The following CSMD1 variants were observed in gnomAD, a reference collection of about 807,000 sequenced individuals.
CSMD1 encodes CUB and sushi domain-containing protein 1.
A neutral mutation model predicts 417.5 loss-of-function variants in CSMD1; 213 were observed. The ratio of observed to expected loss-of-function variants is 0.51; its 90% CI spans 0.46 to 0.57. The LOEUF (loss-of-function observed/expected upper bound fraction) is 0.57. Ranked by LOEUF, CSMD1 falls within the 20% of genes least tolerant of loss-of-function variation. The pLI, the probability that CSMD1 is intolerant of heterozygous loss-of-function variation, is 0.00. For synonymous variants in CSMD1, 2,862 were observed against 1,736.8 expected, an observed-to-expected ratio of 1.65 and a Z score of -16.11; for missense variants, 6,923 against 4,529.7, an observed-to-expected ratio of 1.53 and a Z score of -15.17.
chr8:3,247,962 C>A (rs1170099231), intron 26 of CSMD1, among the ~76,000 whole-genome samples: 1 of 152,162 alleles, frequency 6.6e-6, no homozygotes, highest in African/African-American at 2.4e-5. Flanking sequence ...CAACCACCTC[C>A]CGAAATCTGC....
At chr8:4,252,018 T>C (rs1306512752) in intron 3 of CSMD1, among the ~76,000 whole-genome samples, 3 of 152,080 alleles carry the variant, frequency 2.0e-5, no homozygotes, top group Admixed American at 1.3e-4. Context: ...TTACGTATTT[T>C]TGAGTTGTGT....
rs1372978054 is a variant in CSMD1 at position 4,054,567 on chromosome 8, A to G, written c.416-22468T>C. ...TGAGATGTCCCTCTTGCGGAGTTCAACCCTCTTGGTGGTGTAGTCTAATTG... is the reference window on the plus strand; with the variant it reads ...TGAGATGTCCCTCTTGCGGAGTTCAGCCCTCTTGGTGGTGTAGTCTAATTG... On this transcript the variant is annotated intron_variant, in intron 3 of 69. Transcript: ENST00000635120. Among the ~76,000 whole-genome samples the G allele has an allele frequency of 2.0e-5, 3 of 148,790 alleles. No homozygotes were observed. The East Asian group carries it at 5.9e-4, about 29-fold the overall frequency.
chr8:3,451,077 A>T (rs535112311), intron 12 of CSMD1, among the ~76,000 whole-genome samples: 1 of 152,244 alleles, frequency 6.6e-6, no homozygotes, highest in East Asian at 1.9e-4. Context: ...GATGACGAGC[A>T]TTTTTTCACG....
chr8:4,300,339 T>A (rs1797912325), intron 3 of CSMD1, among the ~76,000 whole-genome samples: 1 of 152,178 alleles, frequency 6.6e-6, no homozygotes, highest in Non-Finnish European at 1.5e-5. Flanking sequence ...AAAAATAATA[T>A]TAAAAGGTAA....
chr8:3,671,709 C>G (rs919207488), intron 7 of CSMD1, among the ~76,000 whole-genome samples: 1 of 151,538 alleles, frequency 6.6e-6, no homozygotes, highest in Non-Finnish European at 1.5e-5. Context: ...TCATCTTATT[C>G]GTGTTGCATG....
At chr8:3,653,082 C>A (rs1208282850) in intron 7 of CSMD1, among the ~76,000 whole-genome samples, 2 of 152,150 alleles carry the variant, frequency 1.3e-5, no homozygotes, top group African/African-American at 2.4e-5. Flanking sequence ...ACTCATTCAT[C>A]AACGTCATGC....
chr8:4,601,773 T>C (rs1800597807), intron 2 of CSMD1, among the ~76,000 whole-genome samples: 1 of 152,192 alleles, frequency 6.6e-6, no homozygotes, highest in African/African-American at 2.4e-5. Context: ...CCATTAACTT[T>C]GACCAAATGA....
chr8:4,989,715 T>G (rs77020284), intron 1 of CSMD1, among the ~76,000 whole-genome samples: 5,031 of 152,318 alleles, frequency 0.033, 99 homozygotes, highest in Middle Eastern at 0.12. Flanking sequence ...GAGGCAGATT[T>G]AAAATTCAGC....
In CSMD1 at chr8:4,001,079, T is replaced by A. The variant is rs1026093649; in HGVS notation, c.611-2969A>T. 4.0e-5 allele frequency among the ~76,000 whole-genome samples: 6 copies of A among 150,598 alleles called. 1 individual carries two copies. In the South Asian group the frequency reaches 6.3e-4, roughly 16 times the overall value. On this transcript the variant is annotated intron_variant, in intron 4 of 69. Coordinates refer to ENST00000635120, the MANE Select transcript of CSMD1 (RefSeq NM_033225.6). ...AAGGAAAAAAAAAACTGACATCAAA[T>A]GATTATGAATTTTTGTCATGGCAGT...
chr8:4,040,760 T>G (rs1247617961), intron 3 of CSMD1, among the ~76,000 whole-genome samples: 1 of 152,130 alleles, frequency 6.6e-6, no homozygotes, highest in African/African-American at 2.4e-5. Context: ...AAGCGACCAG[T>G]TGGCAAATGG....
intron 5 of CSMD1, among the ~76,000 whole-genome samples, chr8:3,987,186 T>C (rs1431826783): frequency 5.3e-5 from 8 of 152,304 alleles, no homozygotes. Flanking sequence ...ATACACTTCT[T>C]ACTTTACACA....
chr8:4,103,263 C>T (rs1004580228), intron 3 of CSMD1, among the ~76,000 whole-genome samples: 3 of 5,494 alleles, frequency 5.5e-4, no homozygotes, highest in East Asian at 0.014. Context: ...TGTATACATA[C>T]ATTATATATA....
chr8:4,958,874 T>C (rs1461504506), intron 1 of CSMD1, among the ~76,000 whole-genome samples: 1 of 152,186 alleles, frequency 6.6e-6, no homozygotes, highest in Non-Finnish European at 1.5e-5. Flanking sequence ...AGGTAATTTA[T>C]TGACTTCTCA....
At chr8:3,779,952 T>C (rs73658258) in intron 5 of CSMD1, among the ~76,000 whole-genome samples, 2,680 of 152,318 alleles carry the variant, frequency 0.018, 65 homozygotes, top group African/African-American at 0.062. Context: ...TGCTGAAAAC[T>C]AAGAAAGCTT....
intron 2 of CSMD1, among the ~76,000 whole-genome samples, chr8:4,437,359 C>G (rs1365546808): frequency 2.0e-5 from 3 of 152,078 alleles, no homozygotes; most frequent in African/African-American, 7.2e-5. Flanking sequence ...TAAGGTATTG[C>G]TAACATCCTT....
intron 10 of CSMD1, among the ~76,000 whole-genome samples, chr8:3,547,115 C>T (rs1798700306): frequency 1.3e-5 from 2 of 152,130 alleles, no homozygotes; most frequent in Non-Finnish European, 2.9e-5. Context: ...TTGGCCAACC[C>T]TCATGCTGCC....
chr8:3,218,055 G>A (rs1199713443), intron 29 of CSMD1, among the ~76,000 whole-genome samples: 1 of 152,134 alleles, frequency 6.6e-6, no homozygotes, highest in Non-Finnish European at 1.5e-5. Context: ...GGACCCAATA[G>A]CAAAATGTTG....
At chr8:4,694,146 T>G (rs993246912) in intron 1 of CSMD1, among the ~76,000 whole-genome samples, 1 of 152,208 alleles carries the variant, frequency 6.6e-6, no homozygotes, top group Non-Finnish European at 1.5e-5. Context: ...GGGAATTTCC[T>G]TGTGGACAAA....
At chr8:4,046,665 G>A (rs1296053135) in intron 3 of CSMD1, among the ~76,000 whole-genome samples, 5 of 152,114 alleles carry the variant, frequency 3.3e-5, no homozygotes, top group African/African-American at 1.2e-4. Flanking sequence ...GATATACACT[G>A]GGAATGTTTA....
Sources: gnomAD v4.1 joint callset for allele counts (sites outside exome capture counted in the v4.1 genomes callset) on GRCh38, gnomAD v4.1.1 for gene constraint, MANE v1.5 for transcripts, NCBI Gene and HGNC (gene_info 2026-07-23, HGNC 2026-07-21) for gene names.